Variants in DOK6 observed in about 807,000 individuals in gnomAD.
DOK6 encodes the protein downstream of tyrosine kinase 6.
A neutral mutation model predicts 44.0 loss-of-function variants in DOK6; 22 were observed. The ratio of observed to expected loss-of-function variants is 0.50; its 90% CI spans 0.36 to 0.71. The LOEUF is 0.71. DOK6 is among the 30% of genes least tolerant of loss of function. DOK6 has a pLI of 0.00. For missense variants in DOK6, 340 were observed against 416.4 expected (o/e 0.82, Z 1.60); for synonymous variants, 166 against 145.5 (o/e 1.14, Z -1.01).
At chr18:69,549,189 G>A (rs1201288942) in intron 1 of DOK6, among the ~76,000 whole-genome samples, 6 of 151,160 alleles carry the variant, frequency 4.0e-5, no homozygotes, top group African/African-American at 7.3e-5. Flanking sequence ...TTAAATGTTA[G>A]TGAATGACTT....
chr18:69,772,094 C>T (rs1979903738), intron 7 of DOK6, among the ~76,000 whole-genome samples: 1 of 151,404 alleles, frequency 6.6e-6, no homozygotes, highest in South Asian at 2.1e-4. Context: ...CACATGAGCA[C>T]TGGAGTTCCA....
intron 3 of DOK6, among the ~76,000 whole-genome samples, chr18:69,608,041 G>T (rs566865039): frequency 1.3e-5 from 2 of 152,000 alleles, no homozygotes; most frequent in African/African-American, 4.8e-5. Flanking sequence ...TTTTTAAGAA[G>T]ACTTAAATTA....
rs1174228771 is a variant in DOK6 at position 69,848,365 on chromosome 18, AT to A, written c.*6984del. The A allele has an allele frequency of 2.6e-5, 4 of 152,172 alleles. No individual in the cohort carries two copies. The highest frequency in any genetic ancestry group is 5.9e-5 in the Non-Finnish European group (4 of 68,026). The allele number at this position is 152,172 out of a possible 1,614,324, so 9.4% of individuals were successfully genotyped here. ...GCCCTTGTTAAGAAATAAAACACCC[AT>A]TATAAATTTGCTTCTGTTGGAAAAT... On this transcript the variant is annotated 3_prime_UTR_variant, in exon 8 of 8. Transcript: ENST00000382713.
At chr18:69,806,794 G>C (rs1313468600) in intron 7 of DOK6, among the ~76,000 whole-genome samples, 3 of 151,906 alleles carry the variant, frequency 2.0e-5, no homozygotes, top group Non-Finnish European at 2.9e-5. Context: ...TTAGTAATCA[G>C]ATTGCATGCA....
chr18:69,451,084 C>T (rs1169522382), intron 1 of DOK6, among the ~76,000 whole-genome samples: 2 of 147,876 alleles, frequency 1.4e-5, no homozygotes. Flanking sequence ...TGTAAATGGA[C>T]TAAATTCTCC....
At chr18:69,841,175 T>C (rs889571300) in intron 7 of DOK6, 69 bp from the exon 8 acceptor site, 87 of 1,580,992 alleles carry the variant, frequency 5.5e-5, no homozygotes, top group Non-Finnish European at 7.1e-5. Context: ...AATAGATAGA[T>C]GATAGATAGT....
At chr18:69,518,271 A>T (rs959526172) in intron 1 of DOK6, among the ~76,000 whole-genome samples, 1 of 151,768 alleles carries the variant, frequency 6.6e-6, no homozygotes, top group Admixed American at 6.6e-5. Flanking sequence ...TCTCCTACTT[A>T]TCCTTCCCTT....
At chr18:69,824,003 A>G (rs1981654521) in intron 7 of DOK6, among the ~76,000 whole-genome samples, 1 of 152,174 alleles carries the variant, frequency 6.6e-6, no homozygotes, top group Admixed American at 6.5e-5. Context: ...AAAAGCAAAC[A>G]GAAACTTACA....
chr18:69,687,012 G>A (rs1986168451), intron 4 of DOK6, among the ~76,000 whole-genome samples: 1 of 152,052 alleles, frequency 6.6e-6, no homozygotes, highest in Admixed American at 6.6e-5. Context: ...CTAATGCTAT[G>A]CAAAACTATT....
intron 7 of DOK6, among the ~76,000 whole-genome samples, chr18:69,839,627 G>A (rs924516465): frequency 2.0e-5 from 3 of 152,248 alleles, no homozygotes; most frequent in Non-Finnish European, 2.9e-5. Flanking sequence ...TGGGGGAACC[G>A]ATGAGAAAAT....
At chr18:69,811,217 A>C (rs1057165009) in intron 7 of DOK6, among the ~76,000 whole-genome samples, 2 of 151,964 alleles carry the variant, frequency 1.3e-5, no homozygotes, top group South Asian at 2.1e-4. Context: ...GCGGAAAAAA[A>C]TACCATGTGA....
Position 69,467,300 on chromosome 18 carries a change from C to T in DOK6, c.66+65990C>T, listed in dbSNP as rs546759775. Among the ~76,000 whole-genome samples the T allele has an allele frequency of 5.9e-5, 9 of 152,134 alleles. No individual in the cohort carries two copies. The South Asian group carries it at 1.9e-3, about 32-fold the overall frequency. On this transcript the variant is annotated intron_variant, in intron 1 of 7. Coordinates refer to ENST00000382713, the MANE Select transcript of DOK6 (RefSeq NM_152721.6). Reference sequence around the variant, plus strand: ...ACAATTCATATATAAGATCATAGACCATTTTTAAATGATAAAGATGAATGG... The same window carrying T: ...ACAATTCATATATAAGATCATAGACTATTTTTAAATGATAAAGATGAATGG...
intron 1 of DOK6, among the ~76,000 whole-genome samples, chr18:69,420,717 C>A (rs563973715): frequency 6.6e-6 from 1 of 152,192 alleles, no homozygotes; most frequent in Admixed American, 6.6e-5. Context: ...ATTTCTAGCG[C>A]CTTCTCAGAA....
chr18:69,780,764 G>T (rs1175247079), intron 7 of DOK6, among the ~76,000 whole-genome samples: 1 of 152,116 alleles, frequency 6.6e-6, no homozygotes, highest in South Asian at 2.1e-4. Flanking sequence ...TGAAACCTTG[G>T]TATTGGCAAG....
At position 69,401,182 on chromosome 18, in the gene DOK6, C is replaced by G. The variant is rs1916088735; in HGVS notation, c.-63C>G. ...TGCGAGACCCGCGCAGACCCGGCGG[C>G]GGACGGCGGCTCTCGACTCCGGAGA... is the stretch of plus-strand genomic sequence containing the variant. On this transcript the variant is annotated 5_prime_UTR_variant, in exon 1 of 8. Transcript: ENST00000382713. 3.4e-6 allele frequency: 5 copies of G among 1,481,380 alleles called. No homozygotes were observed. The highest frequency in any genetic ancestry group is 4.5e-6 in the Non-Finnish European group (5 of 1,112,678). The allele number at this position is 1,481,380 out of a possible 1,614,324, so 91.8% of individuals were successfully genotyped here.
At chr18:69,442,566 C>T (rs971579623) in intron 1 of DOK6, among the ~76,000 whole-genome samples, 7 of 152,264 alleles carry the variant, frequency 4.6e-5, no homozygotes, top group African/African-American at 4.8e-5. Flanking sequence ...AGGCCCCTCC[C>T]GCAACATGTG....
chr18:69,534,308 C>A (rs1238033616), intron 1 of DOK6, among the ~76,000 whole-genome samples: 2 of 152,032 alleles, frequency 1.3e-5, no homozygotes, highest in African/African-American at 4.8e-5. Context: ...TAGAGTTATG[C>A]AATTGCAAAT....
intron 1 of DOK6, among the ~76,000 whole-genome samples, chr18:69,552,167 T>G (rs1191340601): frequency 1.3e-5 from 2 of 152,196 alleles, no homozygotes; most frequent in African/African-American, 4.8e-5. Flanking sequence ...GCTCATTGTC[T>G]TGTGGACAAA....
chr18:69,708,524 C>T (rs576358569), intron 5 of DOK6, among the ~76,000 whole-genome samples: 1 of 152,090 alleles, frequency 6.6e-6, no homozygotes, highest in Non-Finnish European at 1.5e-5. Context: ...TGGTGGCTCA[C>T]GCCCGTAATC....
Sources: allele counts gnomAD v4.1 joint callset (sites outside exome capture counted in the v4.1 genomes callset), GRCh38; gene constraint gnomAD v4.1.1; transcripts MANE v1.5; gene names NCBI Gene and HGNC (gene_info 2026-07-23, HGNC 2026-07-21).